The following GALNTL6 variants were observed in gnomAD, a reference collection of about 807,000 sequenced individuals.
GALNTL6 encodes the protein polypeptide N-acetylgalactosaminyltransferase-like 6.
A neutral mutation model predicts 73.7 loss-of-function variants in GALNTL6; 46 were observed. The observed-to-expected ratio is 0.62, with a 90% CI of 0.49 to 0.80. The LOEUF (loss-of-function observed/expected upper bound fraction) is 0.80. Ranked by LOEUF, GALNTL6 falls within the 30% of genes least tolerant of loss-of-function variation. GALNTL6 has a pLI of 0.00. For missense variants in GALNTL6, 604 were observed against 755.0 expected (o/e 0.80, Z 2.34); for synonymous variants, 259 against 263.7 (o/e 0.98, Z 0.17).
chr4:171,931,252 G>T (rs1738175817), intron 2 of GALNTL6, among the ~76,000 whole-genome samples: 1 of 152,102 alleles, frequency 6.6e-6, no homozygotes, highest in South Asian at 2.1e-4. Flanking sequence ...TGCAATCATG[G>T]CTCACTGAAG....
At chr4:172,894,816 C>T (rs1487950919) in intron 8 of GALNTL6, among the ~76,000 whole-genome samples, 2 of 151,812 alleles carry the variant, frequency 1.3e-5, no homozygotes, top group African/African-American at 4.8e-5. Context: ...TCTATCTGTC[C>T]CTTTAGATCT....
At chr4:172,121,647 T>C (rs1246581554) in intron 2 of GALNTL6, among the ~76,000 whole-genome samples, 1 of 152,126 alleles carries the variant, frequency 6.6e-6, no homozygotes, top group African/African-American at 2.4e-5. Context: ...TATCTACATT[T>C]GAGCAATTTC....
At chr4:172,357,910 G>A (rs1742224665) in intron 5 of GALNTL6, among the ~76,000 whole-genome samples, 2 of 152,018 alleles carry the variant, frequency 1.3e-5, no homozygotes, top group African/African-American at 4.8e-5. Flanking sequence ...CCAACTTAGT[G>A]GAGACACATT....
At chr4:172,722,292 A>G (rs1735528789) in intron 5 of GALNTL6, among the ~76,000 whole-genome samples, 1 of 152,226 alleles carries the variant, frequency 6.6e-6, no homozygotes, top group Admixed American at 6.5e-5. Flanking sequence ...TGAAACTTGT[A>G]TGCAATCTGA....
intron 2 of GALNTL6, among the ~76,000 whole-genome samples, chr4:171,979,375 G>A (rs913714170): frequency 6.6e-6 from 1 of 152,016 alleles, no homozygotes; most frequent in Non-Finnish European, 1.5e-5. Flanking sequence ...ATATAACAAT[G>A]ATAGACAAAA....
intron 5 of GALNTL6, among the ~76,000 whole-genome samples, chr4:172,529,612 T>A (rs559052750): frequency 6.6e-6 from 1 of 152,256 alleles, no homozygotes; most frequent in African/African-American, 2.4e-5. Flanking sequence ...TTTTGTCTTA[T>A]GTGTATTATA....
chr4:172,674,188 G>A (rs1167835851), intron 5 of GALNTL6, among the ~76,000 whole-genome samples: 1 of 152,080 alleles, frequency 6.6e-6, no homozygotes, highest in African/African-American at 2.4e-5. Flanking sequence ...TCATTTGCTT[G>A]TGTAAAAAGG....
At chr4:172,363,254 T>A (rs1240949410) in intron 5 of GALNTL6, among the ~76,000 whole-genome samples, 1 of 152,156 alleles carries the variant, frequency 6.6e-6, no homozygotes, top group Non-Finnish European at 1.5e-5. Flanking sequence ...CTATAACGGT[T>A]CCCTTCTTTC....
At chr4:172,416,591 C>T (rs1002493268) in intron 5 of GALNTL6, among the ~76,000 whole-genome samples, 1 of 151,956 alleles carries the variant, frequency 6.6e-6, no homozygotes, top group Non-Finnish European at 1.5e-5. Flanking sequence ...AAGCACAGTT[C>T]AATTTTGTTT....
At chr4:172,981,807 T>TC (rs1463941961) in intron 10 of GALNTL6, among the ~76,000 whole-genome samples, 16 of 149,546 alleles carry the variant, frequency 1.1e-4, no homozygotes, top group African/African-American at 3.7e-4. Flanking sequence ...TTTTTTTTTT[T>TC]TTTTTTTTTT....
At chr4:172,835,803 AC>A (rs537218922) in intron 7 of GALNTL6, among the ~76,000 whole-genome samples, 26 of 152,352 alleles carry the variant, frequency 1.7e-4, no homozygotes, top group African/African-American at 6.3e-4. Context: ...GGTAAGGTAG[AC>A]AGGACTGACC....
intron 2 of GALNTL6, among the ~76,000 whole-genome samples, chr4:172,177,186 G>T (rs1735028602): frequency 6.6e-6 from 1 of 152,102 alleles, no homozygotes; most frequent in Non-Finnish European, 1.5e-5. Context: ...TGAGAAGTTT[G>T]CTTTTTGTCT....
intron 2 of GALNTL6, among the ~76,000 whole-genome samples, chr4:171,895,346 A>G (rs910736572): frequency 7.9e-5 from 12 of 152,172 alleles, no homozygotes; most frequent in African/African-American, 2.9e-4. Flanking sequence ...GGTCTGGGAA[A>G]TCAAAATATC....
chr4:172,733,283 G>A (rs548678393), intron 5 of GALNTL6, among the ~76,000 whole-genome samples: 4 of 152,286 alleles, frequency 2.6e-5, no homozygotes, highest in African/African-American at 9.6e-5. Flanking sequence ...CTCTTGAGAA[G>A]CCTGTTGCCA....
intron 7 of GALNTL6, among the ~76,000 whole-genome samples, chr4:172,828,156 C>G (rs1003392600): frequency 3.3e-5 from 5 of 151,540 alleles, no homozygotes; most frequent in Admixed American, 2.6e-4. Context: ...CCTGTAATCC[C>G]AGCTACTTGA....
chr4:172,767,967 C>T (rs28564154), intron 5 of GALNTL6, among the ~76,000 whole-genome samples: 6,843 of 151,916 alleles, frequency 0.045, 276 homozygotes, highest in African/African-American at 0.1. Flanking sequence ...TGCGCCTGGC[C>T]GAGAACTCAT....
intron 2 of GALNTL6, among the ~76,000 whole-genome samples, chr4:172,007,059 T>C (rs1440495140): frequency 1.3e-5 from 2 of 152,168 alleles, no homozygotes; most frequent in African/African-American, 4.8e-5. Context: ...AATCTTTCCT[T>C]TTACAATAAT....
intron 7 of GALNTL6, among the ~76,000 whole-genome samples, chr4:172,833,658 G>A (rs1304038474): frequency 6.6e-6 from 1 of 152,206 alleles, no homozygotes; most frequent in African/African-American, 2.4e-5. Flanking sequence ...CTCTCCTGAA[G>A]TAAGCAGCTA....
chr4:172,419,310 A>G (rs1174135415), intron 5 of GALNTL6, among the ~76,000 whole-genome samples: 3 of 152,148 alleles, frequency 2.0e-5, no homozygotes. Context: ...TGGTGATAAT[A>G]ATGTTTAGCT....
Sources: gnomAD v4.1 joint callset for allele counts (sites outside exome capture counted in the v4.1 genomes callset) on GRCh38, gnomAD v4.1.1 for gene constraint, MANE v1.5 for transcripts, NCBI Gene and HGNC (gene_info 2026-07-23, HGNC 2026-07-21) for gene names.